SUCLG2: variants seen among roughly 807,000 people sequenced by gnomAD.
The protein encoded by SUCLG2 is succinate--CoA ligase [GDP-forming] subunit beta, mitochondrial.
In SUCLG2, 42 loss-of-function variants were observed where a neutral mutation model predicts 47.9. That is an observed-to-expected ratio of 0.88 (90% CI 0.69 to 1.14). The LOEUF (loss-of-function observed/expected upper bound fraction) is 1.14. SUCLG2 is among the 50% of genes most tolerant of loss of function. The probability of loss-of-function intolerance (pLI) is 0.00; values close to 1 mark genes in which losing one functional copy is unlikely to be tolerated. For synonymous variants in SUCLG2, 195 were observed against 197.3 expected (o/e 0.99, Z 0.10); for missense variants, 571 against 525.9 (o/e 1.09, Z -0.84).
At chr3:67,564,078 A>G (rs1486235205) in intron 2 of SUCLG2, among the ~76,000 whole-genome samples, 1 of 152,212 alleles carries the variant, frequency 6.6e-6, no homozygotes, top group Non-Finnish European at 1.5e-5. Flanking sequence ...ATAAAAAGAG[A>G]AAAACATTAA....
rs1489347001 is a variant in SUCLG2, at chr3:67,443,726, G to A, written c.1063-42875C>T. ...CCGCCCCATCTGGGATGTGAGGAGC[G>A]CCTCTGCCCGGCCGAGACCCCGTCT... On this transcript the variant is annotated intron_variant, in intron 9 of 10. Coordinates refer to ENST00000307227, the MANE Select transcript of SUCLG2 (RefSeq NM_003848.4). Among the ~76,000 whole-genome samples, 312 of 90,718 alleles carry A rather than the reference G, an allele frequency of 3.4e-3. 3 individuals are homozygous for A. Among genetic ancestry groups the A allele is most frequent in the Non-Finnish European group, 5.2e-3 (203 of 39,020 alleles). The allele number at this position is 90,718 out of a possible 152,430, so 59.5% of individuals were successfully genotyped here. A position where few individuals can be genotyped will look rare whatever the true frequency, so the allele number is the denominator to read the frequency against.
At chr3:67,519,126 T>A in intron 5 of SUCLG2, among the ~76,000 whole-genome samples, 1 of 152,002 alleles carries the variant, frequency 6.6e-6, no homozygotes, top group East Asian at 1.9e-4. Flanking sequence ...ATTCCCCTCT[T>A]GTCTGAGTAG....
chr3:67,394,155 G>A (rs1157784556), intron 10 of SUCLG2, among the ~76,000 whole-genome samples: 1 of 152,142 alleles, frequency 6.6e-6, no homozygotes, highest in Non-Finnish European at 1.5e-5. Context: ...ACCAGCAACA[G>A]AACAAAGCTG....
chr3:67,483,419 T>A (rs1043811744), intron 9 of SUCLG2, among the ~76,000 whole-genome samples: 2 of 152,200 alleles, frequency 1.3e-5, no homozygotes, highest in Non-Finnish European at 2.9e-5. Flanking sequence ...TAAGGTCAAC[T>A]ATCAGAGAGG....
At chr3:67,509,999 C>T (rs1705742726) in intron 6 of SUCLG2, among the ~76,000 whole-genome samples, 1 of 152,192 alleles carries the variant, frequency 6.6e-6, no homozygotes, top group Non-Finnish European at 1.5e-5. Context: ...ACTTCCACTC[C>T]TCTCTTTCTA....
At chr3:67,598,630 A>G (rs947138318) in intron 2 of SUCLG2, among the ~76,000 whole-genome samples, 28 of 152,226 alleles carry the variant, frequency 1.8e-4, no homozygotes, top group African/African-American at 6.3e-4. Context: ...GTTGTAAGGA[A>G]TATGTTTCCT....
intron 10 of SUCLG2, among the ~76,000 whole-genome samples, chr3:67,386,127 C>T (rs1378688868): frequency 6.6e-6 from 1 of 152,174 alleles, no homozygotes; most frequent in Non-Finnish European, 1.5e-5. Flanking sequence ...CTCGCTCTGT[C>T]ACCCAGACTG....
intron 9 of SUCLG2, among the ~76,000 whole-genome samples, chr3:67,440,526 T>G (rs1187472519): frequency 6.6e-6 from 1 of 151,382 alleles, no homozygotes; most frequent in Non-Finnish European, 1.5e-5. Flanking sequence ...GAACTTAAAT[T>G]TACAGGAAAA....
intron 10 of SUCLG2, among the ~76,000 whole-genome samples, chr3:67,391,409 T>C (rs1313456404): frequency 6.6e-6 from 1 of 152,070 alleles, no homozygotes; most frequent in East Asian, 1.9e-4. Flanking sequence ...TACATGATGG[T>C]ATGTGATCCT....
intron 9 of SUCLG2, among the ~76,000 whole-genome samples, chr3:67,478,962 C>CA (rs752960804): frequency 2.9e-4 from 44 of 152,186 alleles, no homozygotes; most frequent in Admixed American, 5.2e-4. Flanking sequence ...TAGGGTGTAA[C>CA]ACCACTGTGC....
At chr3:67,396,328 G>A (rs1489642934) in intron 10 of SUCLG2, among the ~76,000 whole-genome samples, 1 of 152,020 alleles carries the variant, frequency 6.6e-6, no homozygotes, top group African/African-American at 2.4e-5. Flanking sequence ...AATAAAAAAT[G>A]ATAAGGGGGA....
At chr3:67,425,234 C>T (rs1034070165) in intron 9 of SUCLG2, among the ~76,000 whole-genome samples, 1 of 152,158 alleles carries the variant, frequency 6.6e-6, no homozygotes, top group African/African-American at 2.4e-5. Flanking sequence ...TTTAGGCATA[C>T]AGAATAAGAT....
At chr3:67,449,554 C>CTT (rs67128516) in intron 9 of SUCLG2, among the ~76,000 whole-genome samples, 22,648 of 147,888 alleles carry the variant, frequency 0.15, 1,843 homozygotes, top group Admixed American at 0.21. Context: ...ATACCTCTGC[C>CTT]TTTTTTTTTT....
intron 2 of SUCLG2, among the ~76,000 whole-genome samples, chr3:67,584,446 T>G (rs1426789582): frequency 6.6e-6 from 1 of 152,212 alleles, no homozygotes; most frequent in African/African-American, 2.4e-5. Context: ...GTTTTAAAAC[T>G]GGACTACAGT....
intron 9 of SUCLG2, among the ~76,000 whole-genome samples, chr3:67,469,587 G>C (rs1330934005): frequency 6.6e-6 from 1 of 151,056 alleles, no homozygotes; most frequent in Non-Finnish European, 1.5e-5. Flanking sequence ...AAATTAGCTG[G>C]GTGTGGTGGC....
At chr3:67,493,537 G>A (rs1446358561) in intron 9 of SUCLG2, among the ~76,000 whole-genome samples, 1 of 151,938 alleles carries the variant, frequency 6.6e-6, no homozygotes, top group South Asian at 2.1e-4. Flanking sequence ...CATCCTACAG[G>A]TTTTACAAAA....
intron 9 of SUCLG2, among the ~76,000 whole-genome samples, chr3:67,471,748 C>T (rs535037576): frequency 5.9e-5 from 9 of 152,216 alleles, no homozygotes; most frequent in South Asian, 2.1e-4. Context: ...TAGCAGAGAA[C>T]GGACAACATG....
chr3:67,400,628 G>C (rs1274937509), intron 10 of SUCLG2, 103 bp downstream of exon 10: 8 of 1,484,282 alleles, frequency 5.4e-6, no homozygotes, highest in Middle Eastern at 2.5e-4. Flanking sequence ...ACACAATCTA[G>C]TGTTTCGTTC....
At chr3:67,596,414 A>G (rs1337683558) in intron 2 of SUCLG2, among the ~76,000 whole-genome samples, 3 of 152,214 alleles carry the variant, frequency 2.0e-5, no homozygotes, top group African/African-American at 7.2e-5. Flanking sequence ...TCTGGGTCAG[A>G]AAAAAACTCT....
Sources: allele counts gnomAD v4.1 joint callset (sites outside exome capture counted in the v4.1 genomes callset), GRCh38; gene constraint gnomAD v4.1.1; transcripts MANE v1.5; gene names NCBI Gene and HGNC (gene_info 2026-07-23, HGNC 2026-07-21).